The following FLVCR2 variants were observed in gnomAD, a reference collection of about 807,000 sequenced individuals.
FLVCR2 encodes FLVCR choline and putative heme transporter 2, also known as choline/ethanolamine transporter FLVCR2.
Under a neutral mutation model 48.9 loss-of-function variants are expected in FLVCR2, and 38 were observed. The observed-to-expected ratio is 0.78, with a 90% CI of 0.60 to 1.02. The LOEUF is 1.02. Among genes scored for constraint, FLVCR2 ranks in the 50% least tolerant of loss-of-function variants. The pLI is 0.00. For synonymous variants in FLVCR2, 255 were observed against 257.0 expected (o/e 0.99, Z 0.07); for missense variants, 664 against 663.3 (o/e 1.00, Z -0.01).
chr14:75,632,813 A>T, intron 3 of FLVCR2: 1 of 702,132 alleles, frequency 1.4e-6, no homozygotes. Context: ...GTGCATCTTT[A>T]TTATCTCTAA....
At position 75,633,637 on chromosome 14, in the gene FLVCR2, G is replaced by A. The variant is rs1457641129; in HGVS notation, c.961G>A (p.Ala321Thr). 6 of 1,614,022 alleles carry A rather than the reference G, an allele frequency of 3.7e-6. No individual in the cohort carries two copies. The highest frequency in any genetic ancestry group is 2.2e-5 in the South Asian group (2 of 91,086). ...CTCGCTCCCTTCTTCAGGTCTGAATGCTGGTGCTTTTTATGCCTTGTCCAC... is the reference window on the plus strand; with the variant it reads ...CTCGCTCCCTTCTTCAGGTCTGAATACTGGTGCTTTTTATGCCTTGTCCAC... ...VLLVITYGLN[A>T]GAFYALSTLL... Residue 321 changes from alanine to threonine, a missense_variant, in exon 4 of 10, where the codon GCT becomes ACT. Transcript: ENST00000238667.
At chr14:75,591,806 C>CTTTTTTTTTTT (rs1163085989) in intron 1 of FLVCR2, among the ~76,000 whole-genome samples, 1 of 109,308 alleles carries the variant, frequency 9.1e-6, no homozygotes, top group Non-Finnish European at 1.8e-5. Flanking sequence ...CTCTTCATTC[C>CTTTTTTTTTTT]TTTTTTTTTT....
At chr14:75,597,230 A>G (rs532198394) in intron 1 of FLVCR2, among the ~76,000 whole-genome samples, 1 of 151,672 alleles carries the variant, frequency 6.6e-6, no homozygotes, top group Non-Finnish European at 1.5e-5. Flanking sequence ...GCAGTGGGCC[A>G]TGATTATGCC....
At chr14:75,588,276 G>A (rs897976792) in intron 1 of FLVCR2, among the ~76,000 whole-genome samples, 13 of 152,132 alleles carry the variant, frequency 8.5e-5, no homozygotes, top group South Asian at 6.2e-4. Context: ...TTCTTGCTGC[G>A]TCATAACATG....
At position 75,641,024 on chromosome 14, in the gene FLVCR2, AG is replaced by A; in HGVS notation, c.1307del (p.Gly436AlafsTer121). On this transcript the variant is annotated frameshift_variant, in exon 7 of 10. Coordinates refer to ENST00000238667, the MANE Select transcript of FLVCR2 (RefSeq NM_017791.3). LOFTEE classifies it high-confidence loss of function. ...AVELTYPESE[G>X]ISSGLLNISA... is the part of the protein sequence containing the mutation. ...TGGAGCTCACGTACCCAGAATCAGA[AG>A]GCATCTCCTCCGGCCTCCTCAACAT... The A allele has an allele frequency of 1.2e-6, 2 of 1,614,134 alleles. No homozygotes were observed. The highest frequency in any genetic ancestry group is 1.7e-6 in the Non-Finnish European group (2 of 1,179,966).
intron 1 of FLVCR2, among the ~76,000 whole-genome samples, chr14:75,614,813 T>C (rs543813490): frequency 5.9e-5 from 9 of 152,276 alleles, no homozygotes; most frequent in Non-Finnish European, 1.3e-4. Context: ...AACAGGCACA[T>C]CTTACATGGT....
Position 75,647,372 on chromosome 14 carries a change from G to GC in FLVCR2, c.*901dup, listed in dbSNP as rs971243550. On this transcript the variant is annotated 3_prime_UTR_variant, in exon 10 of 10. Transcript: ENST00000238667. ...GCCCAAGTGCTTGTTTTATTCCAAG[G>GC]CAGGGTAATCCCCGTCAACTTACTC... 1 of 152,182 alleles carries GC rather than the reference G, an allele frequency of 6.6e-6. No individual in the cohort carries two copies. The highest frequency in any genetic ancestry group is 2.4e-5 in the African/African-American group (1 of 41,426). 9.4% of individuals were successfully genotyped at this position (152,182 alleles called of 1,614,324 possible).
intron 1 of FLVCR2, 66 bp downstream of exon 1, chr14:75,579,707 G>A (rs1426888978): frequency 6.5e-7 from 1 of 1,547,896 alleles, no homozygotes; most frequent in Non-Finnish European, 8.9e-7. Context: ...TATTGGGTGT[G>A]GTAGGCTATA....
chr14:75,587,449 T>C (rs1462834619), intron 1 of FLVCR2, among the ~76,000 whole-genome samples: 1 of 152,194 alleles, frequency 6.6e-6, no homozygotes, highest in Non-Finnish European at 1.5e-5. Flanking sequence ...TTTTTTGAAG[T>C]TGCTGCTAGA....
intron 1 of FLVCR2, among the ~76,000 whole-genome samples, chr14:75,590,781 C>A (rs1226874010): frequency 1.3e-5 from 2 of 152,216 alleles, no homozygotes; most frequent in Non-Finnish European, 2.9e-5. Context: ...CCTCCCAGAA[C>A]CCTAGCAGAT....
chr14:75,601,793 G>T (rs1449605133), intron 1 of FLVCR2, among the ~76,000 whole-genome samples: 1 of 152,118 alleles, frequency 6.6e-6, no homozygotes, highest in East Asian at 1.9e-4. Context: ...GCTTCCAGAT[G>T]AATGAATAAA....
At chr14:75,636,094 A>G (rs1188887091) in intron 5 of FLVCR2, among the ~76,000 whole-genome samples, 2 of 152,192 alleles carry the variant, frequency 1.3e-5, no homozygotes, top group African/African-American at 4.8e-5. Flanking sequence ...GTACTCAGTT[A>G]GCACTGGCTG....
At chr14:75,633,596 C>T in intron 3 of FLVCR2, 33 bp from the exon 4 acceptor site, 1 of 1,577,542 alleles carries the variant, frequency 6.3e-7, no homozygotes. Context: ...AGAAAGCTGA[C>T]CCTAATGTTG....
intron 1 of FLVCR2, among the ~76,000 whole-genome samples, chr14:75,590,319 C>A (rs1888850628): frequency 6.6e-6 from 1 of 152,214 alleles, no homozygotes; most frequent in Non-Finnish European, 1.5e-5. Flanking sequence ...GGCACTACCG[C>A]CCAACACTGC....
intron 3 of FLVCR2, among the ~76,000 whole-genome samples, chr14:75,626,788 G>C (rs1053676808): frequency 6.6e-6 from 1 of 151,912 alleles, no homozygotes; most frequent in Non-Finnish European, 1.5e-5. Flanking sequence ...ATGACTCTAA[G>C]AGCTTTTACT....
At chr14:75,615,416 G>A (rs1889582496) in intron 1 of FLVCR2, among the ~76,000 whole-genome samples, 1 of 152,174 alleles carries the variant, frequency 6.6e-6, no homozygotes, top group South Asian at 2.1e-4. Context: ...TAAACCAAGT[G>A]CATCTTGGGA....
intron 1 of FLVCR2, among the ~76,000 whole-genome samples, chr14:75,589,019 T>A (rs1052800514): frequency 6.6e-6 from 1 of 151,924 alleles, no homozygotes; most frequent in Non-Finnish European, 1.5e-5. Context: ...TCTGAACCTA[T>A]GAAATTAACA....
At chr14:75,644,629 A>G (rs546387075) in intron 9 of FLVCR2, among the ~76,000 whole-genome samples, 1 of 152,216 alleles carries the variant, frequency 6.6e-6, no homozygotes, top group African/African-American at 2.4e-5. Flanking sequence ...CTGTGGCAGC[A>G]TGGTATTATG....
At chr14:75,600,208 C>T (rs1341288123) in intron 1 of FLVCR2, among the ~76,000 whole-genome samples, 1 of 152,174 alleles carries the variant, frequency 6.6e-6, no homozygotes, top group Non-Finnish European at 1.5e-5. Flanking sequence ...TTAAAAGACA[C>T]TCCCACCAGG....
Sources: gnomAD v4.1 joint callset for allele counts (sites outside exome capture counted in the v4.1 genomes callset) on GRCh38, gnomAD v4.1.1 for gene constraint, MANE v1.5 for transcripts, NCBI Gene and HGNC (gene_info 2026-07-23, HGNC 2026-07-21) for gene names.